The following AGBL1 variants were observed in gnomAD, a reference collection of about 807,000 sequenced individuals.
AGBL1 encodes AGBL carboxypeptidase 1, also known as cytosolic carboxypeptidase 4.
A neutral mutation model predicts 118.9 loss-of-function variants in AGBL1; 130 were observed. The ratio of observed to expected loss-of-function variants is 1.09; its 90% CI spans 0.95 to 1.26. The LOEUF is 1.26. Ranked by LOEUF, AGBL1 falls within the 50% of genes most tolerant of loss-of-function variation. The pLI is 0.00. For synonymous variants in AGBL1, 555 were observed against 478.9 expected, an observed-to-expected ratio of 1.16 and a Z score of -2.08; for missense variants, 1,584 against 1,298.1, an observed-to-expected ratio of 1.22 and a Z score of -3.38.
chr15:86,788,635 A>T (rs1346604817), intron 22 of AGBL1, among the ~76,000 whole-genome samples: 1 of 152,168 alleles, frequency 6.6e-6, no homozygotes. Context: ...AAACATACAA[A>T]ATCACGGCCA....
At chr15:86,110,414 A>G (rs60973297) in intron 1 of AGBL1, among the ~76,000 whole-genome samples, 4,818 of 151,782 alleles carry the variant, frequency 0.032, 231 homozygotes, top group African/African-American at 0.11. Context: ...AGTGTTATTA[A>G]AAATCATAAG....
intron 24 of AGBL1, among the ~76,000 whole-genome samples, chr15:87,025,291 A>G (rs1282890372): frequency 1.3e-5 from 2 of 152,138 alleles, no homozygotes; most frequent in African/African-American, 4.8e-5. Flanking sequence ...GTTTCCAGAT[A>G]CAAAATTAAT....
chr15:86,468,208 A>G (rs554751503), intron 18 of AGBL1, among the ~76,000 whole-genome samples: 1 of 152,310 alleles, frequency 6.6e-6, no homozygotes, highest in South Asian at 2.1e-4. Context: ...CTCCGCAAGA[A>G]GAAAGCATTA....
chr15:86,784,942 A>G (rs2078385743), intron 22 of AGBL1, among the ~76,000 whole-genome samples: 1 of 152,226 alleles, frequency 6.6e-6, no homozygotes, highest in African/African-American at 2.4e-5. Flanking sequence ...AAAAAAAATT[A>G]GCTCGTAAGT....
intron 14 of AGBL1, among the ~76,000 whole-genome samples, chr15:86,270,437 G>A (rs942685173): frequency 1.3e-5 from 2 of 152,128 alleles, no homozygotes; most frequent in Non-Finnish European, 2.9e-5. Flanking sequence ...AATCCAATTG[G>A]ACAACACTGA....
intron 21 of AGBL1, among the ~76,000 whole-genome samples, chr15:86,655,157 A>G (rs1236458934): frequency 1.3e-5 from 2 of 152,188 alleles, no homozygotes; most frequent in Non-Finnish European, 2.9e-5. Flanking sequence ...CAATCTCCGG[A>G]AATGCATTCT....
rs192938887 is a variant in AGBL1 at position 86,645,070 on chromosome 15, G to A, written c.2995-29203G>A. ...AAAAACAAAAAAAAGGAGAAGCTTT[G>A]ATGAACAAACATATGATTTAATTAG... is the stretch of plus-strand genomic sequence containing the variant. On this transcript the variant is annotated intron_variant, in intron 21 of 22. Coordinates refer to ENST00000614907, the MANE Select transcript of AGBL1 (RefSeq NM_001386094.1). Among the ~76,000 whole-genome samples the A allele has an allele frequency of 1.5e-3, 230 of 151,962 alleles. 2 individuals carry two copies. Among genetic ancestry groups the A allele is most frequent in the African/African-American group, 5.3e-3 (218 of 41,462 alleles).
intron 22 of AGBL1, among the ~76,000 whole-genome samples, chr15:86,903,119 G>A (rs1024487662): frequency 1.3e-5 from 2 of 151,672 alleles, no homozygotes; most frequent in African/African-American, 4.8e-5. Context: ...TGTTCAGACT[G>A]GGTTTTTTCT....
Position 86,397,402 on chromosome 15 carries a change from A to T in AGBL1, c.2411A>T (p.His804Leu). ...TATCAGGTGATCACTGCTCGAGTTCATCCAGGAGAGAGCAATGCCAGTTGG... is the reference window on the plus strand; with the variant it reads ...TATCAGGTGATCACTGCTCGAGTTCTTCCAGGAGAGAGCAATGCCAGTTGG... ...RPYQVITARV[H>L]PGESNASWVM... The change falls in exon 18 of 23, where the codon CAT becomes CTT. Residue 804 changes from histidine to leucine, a missense_variant. His to Leu is a moderately conservative substitution (Grantham distance 99). Coordinates refer to ENST00000614907, the MANE Select transcript of AGBL1 (RefSeq NM_001386094.1). 1.2e-6 allele frequency: 2 copies of T among 1,612,690 alleles called. No individual in the cohort carries two copies. Among genetic ancestry groups the T allele is most frequent in the Non-Finnish European group, 1.7e-6 (2 of 1,179,120 alleles).
intron 5 of AGBL1, among the ~76,000 whole-genome samples, chr15:86,206,210 TC>T (rs530584295): frequency 9.6e-4 from 146 of 152,332 alleles, no homozygotes; most frequent in African/African-American, 3.4e-3. Flanking sequence ...ATCCAGTCTA[TC>T]ATCATTGGAC....
chr15:86,817,141 A>T lies in AGBL1; in HGVS notation c.3159-89946A>T, dbSNP rs142713556. ...ATCTCTACTATAAAATACAAAAAAA[A>T]TTAGCCAGGCGTGGTGGTCAGGTGG... is the stretch of plus-strand genomic sequence containing the variant. On this transcript the variant is annotated intron_variant, in intron 22 of 22. Transcript: ENST00000614907. Among the ~76,000 whole-genome samples the T allele has an allele frequency of 1.0e-3, 158 of 152,022 alleles. 1 individual carries two copies. In the East Asian group the frequency reaches 0.026, roughly 25 times the overall value.
At chr15:86,748,939 A>G (rs2077803010) in intron 22 of AGBL1, among the ~76,000 whole-genome samples, 1 of 152,072 alleles carries the variant, frequency 6.6e-6, no homozygotes, top group East Asian at 1.9e-4. Context: ...GAAGTCAGGT[A>G]GCATGGTGCC....
chr15:86,135,801 T>C (rs1442928784), intron 1 of AGBL1, among the ~76,000 whole-genome samples: 1 of 152,110 alleles, frequency 6.6e-6, no homozygotes. Flanking sequence ...TCCCCTTAAA[T>C]TTGGACTAGC....
chr15:86,828,951 T>G (rs1170527684), intron 22 of AGBL1, among the ~76,000 whole-genome samples: 1 of 145,670 alleles, frequency 6.9e-6, no homozygotes, highest in Admixed American at 6.9e-5. Flanking sequence ...TACTGTGTAT[T>G]TATATGGTAT....
chr15:87,004,199 A>T (rs1185563727), intron 24 of AGBL1, among the ~76,000 whole-genome samples: 1 of 152,098 alleles, frequency 6.6e-6, no homozygotes, highest in East Asian at 1.9e-4. Context: ...GAACATCTTT[A>T]TTTCTGCCTT....
intron 23 of AGBL1, among the ~76,000 whole-genome samples, chr15:86,952,773 G>A (rs2080892902): frequency 6.6e-6 from 1 of 152,104 alleles, no homozygotes; most frequent in Non-Finnish European, 1.5e-5. Flanking sequence ...ATGTTAAAAA[G>A]AATATTTCCT....
chr15:87,012,923 G>T (rs192102857), intron 24 of AGBL1, among the ~76,000 whole-genome samples: 8 of 152,222 alleles, frequency 5.3e-5, no homozygotes, highest in Admixed American at 5.2e-4. Flanking sequence ...TGAGTTGAGA[G>T]ATAATTGGCT....
intron 5 of AGBL1, among the ~76,000 whole-genome samples, chr15:86,183,236 G>C (rs994243641): frequency 2.6e-5 from 4 of 152,122 alleles, no homozygotes; most frequent in Non-Finnish European, 4.4e-5. Flanking sequence ...AATTTTTGCA[G>C]TTTGAATATT....
At chr15:86,827,490 T>TAC (rs1596525918) in intron 22 of AGBL1, among the ~76,000 whole-genome samples, 1 of 4,262 alleles carries the variant, frequency 2.3e-4, no homozygotes, top group Admixed American at 3.6e-3. Context: ...TATATGTGTG[T>TAC]ATATATATAT....
Sources: gnomAD v4.1 joint callset for allele counts (sites outside exome capture counted in the v4.1 genomes callset) on GRCh38, gnomAD v4.1.1 for gene constraint, MANE v1.5 for transcripts, NCBI Gene and HGNC (gene_info 2026-07-23, HGNC 2026-07-21) for gene names.